Variants in CYP4F3 observed in about 807,000 individuals in gnomAD.
CYP4F3 encodes cytochrome P450 family 4 subfamily F member 3.
Under a neutral mutation model 54.8 loss-of-function variants are expected in CYP4F3, and 50 were observed. The ratio of observed to expected loss-of-function variants is 0.91; its 90% CI spans 0.73 to 1.16. The LOEUF is 1.16. Among genes scored for constraint, CYP4F3 ranks in the 50% most tolerant of loss-of-function variants. The pLI is 0.00. For missense variants in CYP4F3, 715 were observed against 676.2 expected (o/e 1.06, Z -0.64); for synonymous variants, 244 against 262.6 (o/e 0.93, Z 0.69).
At chr19:15,647,448 G>T in intron 5 of CYP4F3, 124 bp downstream of exon 5, 2 of 1,479,198 alleles carry the variant, frequency 1.4e-6, no homozygotes, top group Middle Eastern at 1.8e-4. Context: ...TCTGAGCTTT[G>T]GTTTCCTCAT....
At chr19:15,643,512 T>C (rs971311798) in intron 2 of CYP4F3, among the ~76,000 whole-genome samples, 2 of 152,052 alleles carry the variant, frequency 1.3e-5, no homozygotes, top group African/African-American at 4.8e-5. Flanking sequence ...ATTTCGGGAA[T>C]TGGCTCACAG....
At chr19:15,646,005 C>A in intron 3 of CYP4F3, 142 bp downstream of exon 3, 2 of 1,222,754 alleles carry the variant, frequency 1.6e-6, no homozygotes, top group South Asian at 3.7e-5. Flanking sequence ...CTGCTTCCAT[C>A]TCCCCTGGAC....
At chr19:15,652,684 C>A in intron 8 of CYP4F3, 49 bp downstream of exon 8, 1 of 1,613,716 alleles carries the variant, frequency 6.2e-7, no homozygotes. Flanking sequence ...TATCTCCATT[C>A]CAGGAACAGG....
At position 15,650,680 on chromosome 19, in the gene CYP4F3, C is replaced by CTTTCTTTCTTTCTTTCTTT. The variant is rs1568397539; in HGVS notation, c.918+498_918+516dup. Among the ~76,000 whole-genome samples the CTTTCTTTCTTTCTTTCTTT allele has an allele frequency of 1.9e-3, 109 of 58,070 alleles. 2 individuals carry two copies. The highest frequency in any genetic ancestry group is 0.011 in the East Asian group (12 of 1,070). The allele number at this position is 58,070 out of a possible 152,430, so 38.1% of individuals were successfully genotyped here. The stretch of plus-strand genomic sequence containing the variant: ...CTTCTTTTTCTTTCTTTCTTTCTTT[C>CTTTCTTTCTTTCTTTCTTT]TTTCTTTCTTTCTTTCTTTCTTTCT... On this transcript the variant is annotated intron_variant, in intron 7 of 12. Transcript: ENST00000221307.
intron 9 of CYP4F3, among the ~76,000 whole-genome samples, chr19:15,655,213 T>C (rs1203181470): frequency 6.6e-6 from 1 of 152,204 alleles, no homozygotes; most frequent in African/African-American, 2.4e-5. Context: ...CATTTTAAAA[T>C]CAGATATTTG....
At chr19:15,644,586 G>C (rs1362577728) in intron 2 of CYP4F3, among the ~76,000 whole-genome samples, 1 of 116,310 alleles carries the variant, frequency 8.6e-6, no homozygotes, top group South Asian at 2.4e-4. Flanking sequence ...ACAAAGGTTA[G>C]AACAATGAGG....
At position 15,650,095 on chromosome 19, in the gene CYP4F3, C is replaced by T. The variant is rs1375181202; in HGVS notation, c.830C>T (p.Thr277Ile). The change falls in exon 7 of 13, where the codon ACC (threonine) becomes ATC (isoleucine). Residue 277 changes from threonine to isoleucine, a missense_variant. Thr to Ile is a moderately conservative substitution (Grantham distance 89, BLOSUM62 -1). Coordinates refer to ENST00000221307, the MANE Select transcript of CYP4F3 (RefSeq NM_000896.3). ...GCCGTCATCCAGGAGCGGCGCCGCACCCTCCCTAGCCAGGGTGTTGATGAC... is the reference window on the plus strand; with the variant it reads ...GCCGTCATCCAGGAGCGGCGCCGCATCCTCCCTAGCCAGGGTGTTGATGAC... ...TDAVIQERRRTLPSQGVDDFL... is the reference protein window; with the variant it reads ...TDAVIQERRRILPSQGVDDFL... 1.9e-6 allele frequency: 3 copies of T among 1,614,194 alleles called. No homozygotes were observed. The South Asian group carries it at 3.3e-5, about 18-fold the overall frequency.
intron 3 of CYP4F3, among the ~76,000 whole-genome samples, chr19:15,646,455 C>T (rs777208858): frequency 2.0e-5 from 3 of 152,068 alleles, no homozygotes; most frequent in Non-Finnish European, 4.4e-5. Flanking sequence ...GTCTGGGTCA[C>T]GTGTTGGCTA....
At position 15,658,214 on chromosome 19, in the gene CYP4F3, G is replaced by A. The variant is rs199817963; in HGVS notation, c.1116-50G>A. 3.9e-4 allele frequency: 623 copies of A among 1,596,294 alleles called. 3 individuals are homozygous for A. The East Asian group carries it at 9.8e-3, about 25-fold the overall frequency. ...CTTGCAAACAGAGAGAAGCTGGAGAGTTGTGTCTTTGCTCCCTTGATAAGG... is the reference window on the plus strand; with the variant it reads ...CTTGCAAACAGAGAGAAGCTGGAGAATTGTGTCTTTGCTCCCTTGATAAGG... On this transcript the variant is annotated intron_variant, in intron 9 of 12. Coordinates refer to ENST00000221307, the MANE Select transcript of CYP4F3 (RefSeq NM_000896.3).
Position 15,641,565 on chromosome 19 carries a change from T to C in CYP4F3, c.150T>C (p.Cys50=). The C allele has an allele frequency of 6.2e-7, 1 of 1,614,104 alleles. No individual in the cohort carries two copies. Among genetic ancestry groups the C allele is most frequent in the Non-Finnish European group, 8.5e-7 (1 of 1,180,014 alleles). The change falls in exon 2 of 13, where the codon TGT becomes TGC. Residue 50 remains cysteine (C), a synonymous_variant. Transcript: ENST00000221307. ...TFYDNCCRLR[C]FPQPPKRNWF... is the part of the protein sequence containing the mutation. ...ATGACAACTGCTGCCGCCTCCGGTG[T>C]TTCCCGCAACCCCCGAAACGGAATT...
At position 15,658,412 on chromosome 19, in the gene CYP4F3, G is replaced by T; in HGVS notation, c.1249+15G>T. On this transcript the variant is annotated intron_variant, in intron 10 of 12. Coordinates refer to ENST00000221307, the MANE Select transcript of CYP4F3 (RefSeq NM_000896.3). ...CATCCCCAAAGGTGCCACAGCCTCA[G>T]GGGGAGGAGCCTCCTGGGTAGGAAG... is the stretch of plus-strand genomic sequence containing the variant. 1 of 1,613,764 alleles carries T rather than the reference G, an allele frequency of 6.2e-7. No individual in the cohort carries two copies. The highest frequency in any genetic ancestry group is 1.1e-5 in the South Asian group (1 of 91,050).
rs141822395 is a variant in CYP4F3 at position 15,652,901 on chromosome 19, G to C, written c.1064G>C (p.Arg355Pro). 6.2e-7 allele frequency: 1 copy of C among 1,613,666 alleles called. No individual in the cohort carries two copies. Among genetic ancestry groups the C allele is most frequent in the African/African-American group, 1.3e-5 (1 of 74,900 alleles). Residue 355 changes from arginine (R) to proline (P), a missense_variant, in exon 9 of 13, where the codon CGG (arginine) becomes CCG (proline). Coordinates refer to ENST00000221307, the MANE Select transcript of CYP4F3 (RefSeq NM_000896.3). ...AKHPEYQERC[R>P]QEVQELLKDR... ...CACCCGGAATACCAGGAGCGCTGTC[G>C]GCAGGAGGTGCAAGAGCTTCTGAAG...
At chr19:15,650,380 G>A in intron 7 of CYP4F3, 197 bp downstream of exon 7, 2 of 1,063,810 alleles carry the variant, frequency 1.9e-6, no homozygotes, top group Non-Finnish European at 2.7e-6. Context: ...AAATGAAATT[G>A]TGATGAGTCT....
At chr19:15,658,648 C>T in intron 11 of CYP4F3, 79 bp from the exon 12 acceptor site, 2 of 1,608,376 alleles carry the variant, frequency 1.2e-6, no homozygotes, top group Admixed American at 1.7e-5. Flanking sequence ...CACCTCCCTC[C>T]AAGACACACA....
intron 12 of CYP4F3, among the ~76,000 whole-genome samples, 169 bp from the exon 13 acceptor site, chr19:15,659,051 T>C (rs1228647302): frequency 7.0e-6 from 1 of 142,194 alleles, no homozygotes; most frequent in Non-Finnish European, 1.5e-5. Context: ...GGAGCTCGGC[T>C]AGGCTCGCAG....
Position 15,661,189 on chromosome 19 carries a change from C to T in CYP4F3, c.*1804C>T, listed in dbSNP as rs577253416. 10 of 152,036 alleles carry T rather than the reference C, an allele frequency of 6.6e-5. No individual in the cohort carries two copies. Among genetic ancestry groups the T allele is most frequent in the African/African-American group, 2.4e-4 (10 of 41,496 alleles). 9.4% of individuals were successfully genotyped at this position (152,036 alleles called of 1,614,324 possible). A position where few individuals can be genotyped will look rare whatever the true frequency, so the allele number is the denominator to read the frequency against. The stretch of plus-strand genomic sequence containing the variant: ...ATGCGGGAGAATCACTTGAAACCCA[C>T]AGGCGGAGGTTGCAGTGAGCTGAGG... On this transcript the variant is annotated 3_prime_UTR_variant, in exon 13 of 13. Coordinates refer to ENST00000221307, the MANE Select transcript of CYP4F3 (RefSeq NM_000896.3).
chr19:15,649,929 A>G lies in CYP4F3; in HGVS notation c.664A>G (p.Ile222Val), dbSNP rs1972737403. ...SHCQEKPSEY[I>V]AAILELSALV... ...ATCCTGCAGGAAGCCCAGTGAATAT[A>G]TTGCCGCCATCTTGGAGCTCAGTGC... The change falls in exon 7 of 13, where the codon ATT becomes GTT. Residue 222 changes from isoleucine to valine, a missense_variant. By Grantham distance (29) the Ile-to-Val change is conservative. Transcript: ENST00000221307. 1.2e-6 allele frequency: 2 copies of G among 1,613,938 alleles called. No homozygotes were observed. The highest frequency in any genetic ancestry group is 8.5e-7 in the Non-Finnish European group (1 of 1,179,892).
At chr19:15,642,283 G>A (rs1349051055) in intron 2 of CYP4F3, among the ~76,000 whole-genome samples, 1 of 152,216 alleles carries the variant, frequency 6.6e-6, no homozygotes, top group African/African-American at 2.4e-5. Context: ...GTGTCCACAG[G>A]TGAAGTGGGA....
intron 2 of CYP4F3, among the ~76,000 whole-genome samples, chr19:15,643,314 TTAGATAGA>T (rs61194289): frequency 1.1e-4 from 14 of 124,488 alleles, no homozygotes; most frequent in Non-Finnish European, 2.1e-4. Flanking sequence ...GATAGATAGA[TTAGATAGA>T]TAGATAGATA....
Sources: allele counts gnomAD v4.1 joint callset (sites outside exome capture counted in the v4.1 genomes callset), GRCh38; gene constraint gnomAD v4.1.1; transcripts MANE v1.5; gene names NCBI Gene and HGNC (gene_info 2026-07-23, HGNC 2026-07-21).